The following RBFOX2 variants were observed in gnomAD, a reference collection of about 807,000 sequenced individuals.
RBFOX2 encodes RNA binding fox-1 homolog 2.
RBFOX2 carries 10 observed loss-of-function variants against 49.1 expected under a neutral mutation model. The observed-to-expected ratio is 0.20, with a 90% CI of 0.13 to 0.35. RBFOX2 has a LOEUF of 0.35. RBFOX2 is among the 10% of genes least tolerant of loss of function. The probability of loss-of-function intolerance (pLI) is 1.00; values close to 1 mark genes in which losing one functional copy is unlikely to be tolerated. For missense variants in RBFOX2, 323 were observed against 486.9 expected (o/e 0.66, Z 3.17); for synonymous variants, 183 against 187.4 (o/e 0.98, Z 0.19).
At chr22:35,861,683 G>A (rs78278001) in intron 1 of RBFOX2, among the ~76,000 whole-genome samples, 6,786 of 152,190 alleles carry the variant, frequency 0.045, 492 homozygotes, top group African/African-American at 0.16. Flanking sequence ...ATATGCTGCT[G>A]GTGGAATGTA....
At position 36,021,047 on chromosome 22, in the gene RBFOX2, C is replaced by T. The variant is rs375901343; in HGVS notation, c.186+7193G>A. Reference sequence around the variant, plus strand: ...TTAAGAAAATGTGGCACATATACACCATGGAATACCATGCAGCCCTAAAAA... The same window carrying T: ...TTAAGAAAATGTGGCACATATACACTATGGAATACCATGCAGCCCTAAAAA... On this transcript the variant is annotated intron_variant, in intron 1 of 13. Transcript: ENST00000438146. Among the ~76,000 whole-genome samples the T allele has an allele frequency of 2.4e-4, 36 of 152,006 alleles. No individual in the cohort carries two copies. In the East Asian group the frequency reaches 4.1e-3, roughly 17 times the overall value.
chr22:35,935,027 C>G (rs1363020380), intron 1 of RBFOX2, among the ~76,000 whole-genome samples: 1 of 152,126 alleles, frequency 6.6e-6, no homozygotes, highest in African/African-American at 2.4e-5. Context: ...CTCAATCTCC[C>G]AGGTTCCAGC....
chr22:35,893,128 T>A (rs567058143), intron 1 of RBFOX2, among the ~76,000 whole-genome samples: 8 of 152,330 alleles, frequency 5.3e-5, no homozygotes, highest in African/African-American at 1.7e-4. Flanking sequence ...TGTCATGGCA[T>A]ACATAGGAAA....
At chr22:35,932,347 A>G (rs1258617890) in intron 1 of RBFOX2, among the ~76,000 whole-genome samples, 1 of 152,216 alleles carries the variant, frequency 6.6e-6, no homozygotes, top group Non-Finnish European at 1.5e-5. Flanking sequence ...TTGAGGAAAG[A>G]AAATACTTGT....
chr22:35,811,296 C>G (rs1175220824), intron 1 of RBFOX2, among the ~76,000 whole-genome samples: 3 of 152,090 alleles, frequency 2.0e-5, no homozygotes, highest in Non-Finnish European at 2.9e-5. Flanking sequence ...CTCAGTACCT[C>G]AAAATGTCAC....
chr22:35,777,846 TC>T lies in RBFOX2; in HGVS notation c.453+178del, dbSNP rs1944307682. 5.2e-5 allele frequency: 32 copies of T among 616,126 alleles called. 1 individual carries two copies. The East Asian group carries it at 8.9e-4, about 17-fold the overall frequency. The allele number at this position is 616,126 out of a possible 1,614,324, so 38.2% of individuals were successfully genotyped here. ...TCACCCTTCCACCCCCATATAAGTA[TC>T]AGAATAAAGTTTGGCCATGTGGTAG... On this transcript the variant is annotated intron_variant, in intron 4 of 11. Transcript: ENST00000405409.
At chr22:35,924,483 T>A (rs2051390602) in intron 1 of RBFOX2, among the ~76,000 whole-genome samples, 1 of 152,240 alleles carries the variant, frequency 6.6e-6, no homozygotes, top group Admixed American at 6.5e-5. Flanking sequence ...GATTTACATT[T>A]AATATCCACT....
At chr22:35,911,053 C>T (rs1425090679) in intron 1 of RBFOX2, among the ~76,000 whole-genome samples, 1 of 152,014 alleles carries the variant, frequency 6.6e-6, no homozygotes, top group African/African-American at 2.4e-5. Context: ...GAGATAAAAC[C>T]CTATTTATAG....
rs140754126 is a variant in RBFOX2, at chr22:35,869,401, T to C, written c.-33-59397A>G. On this transcript the variant is annotated intron_variant, in intron 1 of 13. Transcript: ENST00000359369. ...CTGGAACTCCTGACCTCAAGTGATT[T>C]ACCTGCCTCAGCCTCCCAAAATGCT... Among the ~76,000 whole-genome samples, 829 of 138,672 alleles carry C rather than the reference T, an allele frequency of 6.0e-3. 5 individuals carry two copies. The highest frequency in any genetic ancestry group is 0.022 in the African/African-American group (796 of 36,566). The allele number at this position is 138,672 out of a possible 152,430, so 91.0% of individuals were successfully genotyped here. A position where few individuals can be genotyped will look rare whatever the true frequency, so the allele number is the denominator to read the frequency against.
chr22:35,903,959 C>G (rs1253046320), intron 1 of RBFOX2, among the ~76,000 whole-genome samples: 1 of 152,132 alleles, frequency 6.6e-6, no homozygotes, highest in Non-Finnish European at 1.5e-5. Flanking sequence ...TTTCCAAACT[C>G]CTTATGATGG....
chr22:35,875,416 G>C (rs919310782), intron 1 of RBFOX2, among the ~76,000 whole-genome samples: 3 of 152,200 alleles, frequency 2.0e-5, no homozygotes, highest in Middle Eastern at 6.8e-3. Context: ...CCTCTGGCTA[G>C]GTTTAGTTTA....
At chr22:35,754,930 A>G (rs1049221041) in intron 9 of RBFOX2, among the ~76,000 whole-genome samples, 30 of 152,360 alleles carry the variant, frequency 2.0e-4, no homozygotes, top group African/African-American at 6.7e-4. Context: ...CATACCTTAC[A>G]GGCCTATGCT....
chr22:35,900,683 C>A lies in RBFOX2; in HGVS notation c.-34+38164G>T, dbSNP rs562401158. Among the ~76,000 whole-genome samples the A allele has an allele frequency of 2.6e-5, 4 of 152,006 alleles. No homozygotes were observed. The South Asian group carries it at 8.3e-4, about 32-fold the overall frequency. On this transcript the variant is annotated intron_variant, in intron 1 of 13. Coordinates refer to the RBFOX2 transcript ENST00000359369. ...AGCAGGGATTCCCACAGGGCAATCTCTAACAGAATTCTGCTACTCAAATGT... is the reference window on the plus strand; with the variant it reads ...AGCAGGGATTCCCACAGGGCAATCTATAACAGAATTCTGCTACTCAAATGT...
intron 2 of RBFOX2, among the ~76,000 whole-genome samples, chr22:35,788,142 G>C (rs1469757227): frequency 6.6e-6 from 1 of 151,952 alleles, no homozygotes; most frequent in Non-Finnish European, 1.5e-5. Context: ...CTTCTAACTA[G>C]GAAATTGATT....
intron 1 of RBFOX2, among the ~76,000 whole-genome samples, chr22:36,014,303 T>C (rs2058948793): frequency 1.3e-5 from 2 of 152,130 alleles, no homozygotes; most frequent in South Asian, 4.2e-4. Flanking sequence ...TTTGTATTTT[T>C]AGTAGAGACG....
rs2055705110 is a variant in RBFOX2 at position 35,957,468 on chromosome 22, T to A, written c.42+4095A>T. On this transcript the variant is annotated intron_variant, in intron 1 of 5. Coordinates refer to the RBFOX2 transcript ENST00000408983. The stretch of plus-strand genomic sequence containing the variant: ...TCCTTACCTTGCAACCATATTCACA[T>A]AGCACAGACTGACCTTACAGATAAG... 2.6e-5 allele frequency among the ~76,000 whole-genome samples: 4 copies of A among 152,174 alleles called. No homozygotes were observed. The East Asian group carries it at 7.7e-4, about 29-fold the overall frequency.
intron 2 of RBFOX2, among the ~76,000 whole-genome samples, chr22:35,801,445 ACACT>A (rs1311853524): frequency 2.4e-4 from 37 of 151,266 alleles, no homozygotes; most frequent in Middle Eastern, 3.4e-3. Flanking sequence ...ACACACACAC[ACACT>A]CTCTCTCTCT....
intron 1 of RBFOX2, among the ~76,000 whole-genome samples, chr22:35,850,376 C>A (rs1569384486): frequency 6.6e-6 from 1 of 152,080 alleles, no homozygotes; most frequent in Non-Finnish European, 1.5e-5. Flanking sequence ...GTTTTTGTAT[C>A]ATTTAACACC....
At chr22:35,916,878 T>TAAA (rs754205670) in intron 1 of RBFOX2, among the ~76,000 whole-genome samples, 2 of 137,436 alleles carry the variant, frequency 1.5e-5, no homozygotes, top group South Asian at 2.3e-4. Flanking sequence ...CTGAAAAATT[T>TAAA]AAAAAAAAAA....
Sources: gnomAD v4.1 joint callset for allele counts (sites outside exome capture counted in the v4.1 genomes callset) on GRCh38, gnomAD v4.1.1 for gene constraint, MANE v1.5 for transcripts, NCBI Gene and HGNC (gene_info 2026-07-23, HGNC 2026-07-21) for gene names.